The following JAZF1 variants were observed in gnomAD, a reference collection of about 807,000 sequenced individuals.
JAZF1 encodes the protein juxtaposed with another zinc finger protein 1.
JAZF1 carries 8 observed loss-of-function variants against 26.4 expected under a neutral mutation model. The ratio of observed to expected loss-of-function variants is 0.30; its 90% CI spans 0.18 to 0.55. The LOEUF is 0.55. Among genes scored for constraint, JAZF1 ranks in the 20% least tolerant of loss-of-function variants. JAZF1 has a pLI of 0.94. For synonymous variants in JAZF1, 126 were observed against 122.3 expected (o/e 1.03, Z -0.20); for missense variants, 199 against 322.0 (o/e 0.62, Z 2.92).
At chr7:28,146,012 T>G (rs1331544294) in intron 1 of JAZF1, among the ~76,000 whole-genome samples, 1 of 152,130 alleles carries the variant, frequency 6.6e-6, no homozygotes, top group African/African-American at 2.4e-5. Context: ...TTTTCTACTC[T>G]TCCTAGAAGC....
At chr7:27,913,781 T>C (rs1176638562) in intron 2 of JAZF1, among the ~76,000 whole-genome samples, 2 of 152,198 alleles carry the variant, frequency 1.3e-5, no homozygotes, top group Non-Finnish European at 2.9e-5. Context: ...AATTTCTCTC[T>C]TTCACTCTTA....
intron 1 of JAZF1, among the ~76,000 whole-genome samples, chr7:28,043,801 T>C (rs897606143): frequency 2.7e-5 from 4 of 145,852 alleles, no homozygotes; most frequent in Admixed American, 6.8e-5. Flanking sequence ...TATTCAGCCA[T>C]AAAAAAAAAA....
At chr7:28,006,223 G>C (rs2128369010) in intron 1 of JAZF1, among the ~76,000 whole-genome samples, 1 of 152,180 alleles carries the variant, frequency 6.6e-6, no homozygotes, top group Admixed American at 6.5e-5. Context: ...ACAAAAATCA[G>C]CCAGGCGTGG....
intron 1 of JAZF1, among the ~76,000 whole-genome samples, chr7:28,074,020 G>A (rs976346322): frequency 2.0e-5 from 3 of 149,026 alleles, no homozygotes; most frequent in Non-Finnish European, 4.4e-5. Flanking sequence ...TCCCTTCAAC[G>A]TATTCTATTG....
intron 1 of JAZF1, among the ~76,000 whole-genome samples, chr7:28,112,310 C>G (rs890323769): frequency 4.6e-5 from 7 of 152,160 alleles, no homozygotes; most frequent in African/African-American, 1.7e-4. Flanking sequence ...AAACTTGGAC[C>G]AGAAGACTCA....
At chr7:28,002,830 C>G (rs1782626114) in intron 1 of JAZF1, among the ~76,000 whole-genome samples, 1 of 152,026 alleles carries the variant, frequency 6.6e-6, no homozygotes, top group African/African-American at 2.4e-5. Flanking sequence ...CAGGTGCATT[C>G]ATGTGACTAA....
At chr7:27,968,201 T>C (rs1344174845) in intron 2 of JAZF1, among the ~76,000 whole-genome samples, 2 of 152,150 alleles carry the variant, frequency 1.3e-5, no homozygotes, top group African/African-American at 4.8e-5. Context: ...TAAATGAAAG[T>C]TAAACGAAGA....
intron 1 of JAZF1, among the ~76,000 whole-genome samples, chr7:28,031,567 C>T (rs1343344728): frequency 6.6e-6 from 1 of 152,160 alleles, no homozygotes; most frequent in East Asian, 1.9e-4. Flanking sequence ...TGTACATGTA[C>T]GTTTGTGTAT....
In JAZF1 at chr7:28,120,501, C is replaced by CTTTTTTTTTT. The variant is rs58448766; in HGVS notation, c.115+59952_115+59961dup. Among the ~76,000 whole-genome samples the CTTTTTTTTTT allele has an allele frequency of 7.8e-4, 46 of 59,014 alleles. 4 individuals carry two copies. Among genetic ancestry groups the CTTTTTTTTTT allele is most frequent in the East Asian group, 2.2e-3 (2 of 918 alleles). The allele number at this position is 59,014 out of a possible 152,430, so 38.7% of individuals were successfully genotyped here. A position where few individuals can be genotyped will look rare whatever the true frequency, so the allele number is the denominator to read the frequency against. ...TCTGAACCACTAGCCACACACAGTT[C>CTTTTTTTTTT]TTTTTTTTTTTTTTTTTTTTTTTTT... On this transcript the variant is annotated intron_variant, in intron 1 of 4. Coordinates refer to ENST00000283928, the MANE Select transcript of JAZF1 (RefSeq NM_175061.4).
chr7:28,090,981 C>T (rs562516933), intron 1 of JAZF1, among the ~76,000 whole-genome samples: 3 of 151,084 alleles, frequency 2.0e-5, no homozygotes, highest in East Asian at 3.9e-4. Context: ...CGCCCGCCAC[C>T]GCGCCCGGCT....
At chr7:28,075,861 A>C (rs1784043314) in intron 1 of JAZF1, among the ~76,000 whole-genome samples, 1 of 152,262 alleles carries the variant, frequency 6.6e-6, no homozygotes, top group African/African-American at 2.4e-5. Flanking sequence ...TATCTTGACC[A>C]CAGTGACATC....
chr7:28,083,000 G>A (rs73302936), intron 1 of JAZF1, among the ~76,000 whole-genome samples: 5 of 152,250 alleles, frequency 3.3e-5, no homozygotes, highest in African/African-American at 1.2e-4. Flanking sequence ...GAGTGCTCTG[G>A]CCTGTCCCTC....
chr7:28,013,975 C>T (rs1271218109), intron 1 of JAZF1, among the ~76,000 whole-genome samples: 2 of 152,088 alleles, frequency 1.3e-5, no homozygotes, highest in African/African-American at 4.8e-5. Context: ...AAAAAATTTT[C>T]CAAAAGCAAC....
chr7:27,856,413 G>T (rs984366336), intron 3 of JAZF1, among the ~76,000 whole-genome samples: 2 of 152,210 alleles, frequency 1.3e-5, no homozygotes, highest in Non-Finnish European at 2.9e-5. Flanking sequence ...TTATTGCAAA[G>T]AGCGAAAGAA....
intron 1 of JAZF1, among the ~76,000 whole-genome samples, chr7:28,179,957 C>T (rs1451816779): frequency 7.1e-6 from 1 of 141,388 alleles, no homozygotes; most frequent in African/African-American, 2.6e-5. Context: ...CGCCGCCGAG[C>T]CCTGACAGCT....
intron 1 of JAZF1, among the ~76,000 whole-genome samples, chr7:28,121,842 C>T (rs771990889): frequency 2.6e-5 from 4 of 152,162 alleles, no homozygotes; most frequent in African/African-American, 7.2e-5. Context: ...AATCTGCACC[C>T]GCAGTTTATA....
intron 4 of JAZF1, among the ~76,000 whole-genome samples, chr7:27,836,836 A>G (rs551414446): frequency 6.6e-6 from 1 of 152,304 alleles, no homozygotes; most frequent in South Asian, 2.1e-4. Flanking sequence ...TCAGTCATTT[A>G]AATAACATGT....
intron 1 of JAZF1, among the ~76,000 whole-genome samples, chr7:28,168,802 T>C (rs986714029): frequency 3.9e-5 from 6 of 152,192 alleles, no homozygotes; most frequent in African/African-American, 4.8e-5. Context: ...CTTTAAAAGT[T>C]TGATTCCTTT....
At chr7:27,949,624 G>A (rs931320600) in intron 2 of JAZF1, among the ~76,000 whole-genome samples, 3 of 152,254 alleles carry the variant, frequency 2.0e-5, no homozygotes, top group African/African-American at 7.2e-5. Flanking sequence ...TTAGCCAGGC[G>A]TGGTGGCACA....
Sources: gnomAD v4.1 joint callset for allele counts (sites outside exome capture counted in the v4.1 genomes callset) on GRCh38, gnomAD v4.1.1 for gene constraint, MANE v1.5 for transcripts, NCBI Gene and HGNC (gene_info 2026-07-23, HGNC 2026-07-21) for gene names.